The following ALCAM variants were observed in gnomAD, a reference collection of about 807,000 sequenced individuals.
The protein encoded by ALCAM is activated leukocyte cell adhesion molecule, also known as CD166 antigen.
Under a neutral mutation model 70.9 loss-of-function variants are expected in ALCAM, and 30 were observed. The ratio of observed to expected loss-of-function variants is 0.42; its 90% CI spans 0.32 to 0.57. The LOEUF is 0.57. Among genes scored for constraint, ALCAM ranks in the 20% least tolerant of loss-of-function variants. The pLI, the probability that ALCAM is intolerant of heterozygous loss-of-function variation, is 0.11. For synonymous variants in ALCAM, 249 were observed against 242.5 expected (o/e 1.03, Z -0.25); for missense variants, 591 against 695.1 (o/e 0.85, Z 1.68).
intron 1 of ALCAM, among the ~76,000 whole-genome samples, chr3:105,379,958 A>T (rs1935475350): frequency 6.6e-6 from 1 of 151,796 alleles, no homozygotes; most frequent in Non-Finnish European, 1.5e-5. Context: ...ACTCTTGAGA[A>T]ACATACTTTA....
intron 1 of ALCAM, among the ~76,000 whole-genome samples, chr3:105,516,441 G>A (rs1939380225): frequency 6.6e-6 from 1 of 151,764 alleles, no homozygotes; most frequent in Non-Finnish European, 1.5e-5. Context: ...ATCGTCACTT[G>A]CCTGAGATTC....
chr3:105,565,361 A>G (rs182479464), intron 14 of ALCAM, among the ~76,000 whole-genome samples: 33 of 152,212 alleles, frequency 2.2e-4, no homozygotes, highest in African/African-American at 7.2e-4. Context: ...CATAATTTCT[A>G]TGTCTATAAC....
Position 105,504,310 on chromosome 3 carries a change from G to A in ALCAM, c.74-15757G>A, listed in dbSNP as rs540143590. The stretch of plus-strand genomic sequence containing the variant: ...GTCTATAGGCGGCTTGTGTTAACCA[G>A]CTTAATTAGACCTTCTACGTTGTCA... On this transcript the variant is annotated intron_variant, in intron 1 of 15. Transcript: ENST00000306107. 3.3e-5 allele frequency among the ~76,000 whole-genome samples: 5 copies of A among 152,314 alleles called. No homozygotes were observed. The South Asian group carries it at 1.0e-3, about 32-fold the overall frequency.
chr3:105,511,756 G>A (rs539421589), intron 1 of ALCAM, among the ~76,000 whole-genome samples: 35 of 151,952 alleles, frequency 2.3e-4, no homozygotes, highest in African/African-American at 7.5e-4. Context: ...AGAGCAAAAA[G>A]GTATTTCAAC....
intron 1 of ALCAM, among the ~76,000 whole-genome samples, chr3:105,460,443 C>T (rs918953059): frequency 6.6e-6 from 1 of 151,972 alleles, no homozygotes; most frequent in Admixed American, 6.6e-5. Context: ...GTAAAGGTTT[C>T]AAAGTGCTAT....
At chr3:105,526,448 A>T (rs964824633) in intron 3 of ALCAM, among the ~76,000 whole-genome samples, 2 of 152,128 alleles carry the variant, frequency 1.3e-5, no homozygotes, top group Non-Finnish European at 2.9e-5. Flanking sequence ...TATTATTGTG[A>T]AAACAAACTC....
intron 14 of ALCAM, among the ~76,000 whole-genome samples, chr3:105,562,129 T>C (rs1311622095): frequency 6.6e-6 from 1 of 152,224 alleles, no homozygotes; most frequent in Non-Finnish European, 1.5e-5. Context: ...GGCCCTGCCC[T>C]GAGACATCTC....
At chr3:105,373,487 T>C (rs1427470456) in intron 1 of ALCAM, among the ~76,000 whole-genome samples, 1 of 152,166 alleles carries the variant, frequency 6.6e-6, no homozygotes, top group Non-Finnish European at 1.5e-5. Flanking sequence ...TGTATAGTTT[T>C]AGAGAGAGTC....
At chr3:105,572,042 T>G in intron 15 of ALCAM, 78 bp downstream of exon 15, 1 of 773,110 alleles carries the variant, frequency 1.3e-6, no homozygotes, top group South Asian at 2.3e-5. Flanking sequence ...GTCCTTTATG[T>G]TAAGATGCTC....
chr3:105,450,747 G>A (rs1448004558), intron 1 of ALCAM, among the ~76,000 whole-genome samples: 1 of 152,072 alleles, frequency 6.6e-6, no homozygotes, highest in African/African-American at 2.4e-5. Context: ...AGAAAACGAA[G>A]AAAACATATA....
intron 1 of ALCAM, among the ~76,000 whole-genome samples, chr3:105,374,440 A>G (rs985771300): frequency 6.6e-6 from 1 of 152,170 alleles, no homozygotes; most frequent in Non-Finnish European, 1.5e-5. Flanking sequence ...TATTCAAGTC[A>G]TATAGTAAAC....
intron 1 of ALCAM, among the ~76,000 whole-genome samples, chr3:105,471,751 G>C (rs1461393430): frequency 6.6e-6 from 1 of 151,158 alleles, no homozygotes; most frequent in East Asian, 1.9e-4. Context: ...GTTAAATCTA[G>C]CTAATTAACA....
intron 1 of ALCAM, among the ~76,000 whole-genome samples, chr3:105,459,820 A>C (rs1332357873): frequency 3.9e-5 from 6 of 152,072 alleles, no homozygotes. Flanking sequence ...TTCCTAGGGA[A>C]ATCATTTCTC....
In ALCAM at chr3:105,533,584, T is replaced by C. The variant is rs569070957; in HGVS notation, c.460-19T>C. On this transcript the variant is annotated intron_variant, in intron 4 of 15. Transcript: ENST00000306107. ...CCCTGATTGAACCAAGGTAATAACATTGCCTTTTTATTTTGCAGTTGGGTG... is the reference window on the plus strand; with the variant it reads ...CCCTGATTGAACCAAGGTAATAACACTGCCTTTTTATTTTGCAGTTGGGTG... 28 of 1,605,840 alleles carry C rather than the reference T, an allele frequency of 1.7e-5. No homozygotes were observed. Among genetic ancestry groups the C allele is most frequent in the Admixed American group, 1.7e-4 (10 of 59,800 alleles).
At chr3:105,393,715 C>G (rs976050620) in intron 1 of ALCAM, among the ~76,000 whole-genome samples, 1 of 151,864 alleles carries the variant, frequency 6.6e-6, no homozygotes, top group Non-Finnish European at 1.5e-5. Context: ...ATTTGGAAAG[C>G]AGTGTTTTGA....
chr3:105,397,972 T>G (rs1935995492), intron 1 of ALCAM, among the ~76,000 whole-genome samples: 1 of 152,058 alleles, frequency 6.6e-6, no homozygotes, highest in Non-Finnish European at 1.5e-5. Context: ...AGGGATGCAG[T>G]GATAAAGAAA....
chr3:105,481,728 G>A (rs1938276090), intron 1 of ALCAM, among the ~76,000 whole-genome samples: 1 of 152,028 alleles, frequency 6.6e-6, no homozygotes, highest in South Asian at 2.1e-4. Flanking sequence ...GACAGAGTTA[G>A]GAATCAGAGG....
chr3:105,534,245 A>T (rs1282608613), intron 5 of ALCAM, among the ~76,000 whole-genome samples: 1 of 152,148 alleles, frequency 6.6e-6, no homozygotes, highest in East Asian at 1.9e-4. Flanking sequence ...CACCCATACC[A>T]GTCCTGGAGG....
intron 1 of ALCAM, among the ~76,000 whole-genome samples, chr3:105,409,188 C>T (rs879619426): frequency 6.7e-4 from 102 of 152,054 alleles, no homozygotes; most frequent in African/African-American, 2.2e-3. Context: ...CCAGCAATCC[C>T]GCCACTAGGT....
Sources: gnomAD v4.1 joint callset for allele counts (sites outside exome capture counted in the v4.1 genomes callset) on GRCh38, gnomAD v4.1.1 for gene constraint, MANE v1.5 for transcripts, NCBI Gene and HGNC (gene_info 2026-07-23, HGNC 2026-07-21) for gene names.